CPAMD8: variants seen among roughly 807,000 people sequenced by gnomAD.
The protein encoded by CPAMD8 is C3 and PZP-like alpha-2-macroglobulin domain-containing protein 8.
A neutral mutation model predicts 224.7 loss-of-function variants in CPAMD8; 146 were observed. The ratio of observed to expected loss-of-function variants is 0.65; its 90% CI spans 0.57 to 0.75. The LOEUF (loss-of-function observed/expected upper bound fraction) is 0.75. CPAMD8 is among the 30% of genes least tolerant of loss of function. The pLI is 0.00. For synonymous variants in CPAMD8, 966 were observed against 1,044.6 expected, an observed-to-expected ratio of 0.92 and a Z score of 1.45; for missense variants, 2,301 against 2,537.5, an observed-to-expected ratio of 0.91 and a Z score of 2.00.
rs755330822 is a variant in CPAMD8, at chr19:16,993,542, C to T, written c.1140G>A (p.Thr380=). 2.7e-5 allele frequency: 43 copies of T among 1,614,064 alleles called. No homozygotes were observed. The Admixed American group carries it at 6.0e-4, about 23-fold the overall frequency. The change falls in exon 12 of 42, where the codon ACG becomes ACA. Residue 380 remains threonine, a synonymous_variant. Transcript: ENST00000443236. Reference sequence around the variant, plus strand: ...GTGTCAGCTCTGCCTTAATCTGGACCGTCACCCCCTCAGCTGGGCTGCCAT... The same window carrying T: ...GTGTCAGCTCTGCCTTAATCTGGACTGTCACCCCCTCAGCTGGGCTGCCAT... ...YPDGSPAEGV[T]VQIKAELTPK... is the part of the protein sequence containing the mutation.
chr19:16,924,724 G>A (rs1405423594), intron 26 of CPAMD8, among the ~76,000 whole-genome samples: 1 of 152,138 alleles, frequency 6.6e-6, no homozygotes, highest in Non-Finnish European at 1.5e-5. Flanking sequence ...GGGACTACAG[G>A]GGTGTGCCAC....
chr19:17,015,825 G>A (rs774137168), intron 3 of CPAMD8, among the ~76,000 whole-genome samples: 32 of 152,188 alleles, frequency 2.1e-4, no homozygotes, highest in Non-Finnish European at 4.6e-4. Flanking sequence ...AGGCTGGCGG[G>A]CAAGAGACTA....
In CPAMD8 at chr19:16,896,568, G is replaced by C. The variant is rs925230540; in HGVS notation, c.5163C>G (p.Asn1721Lys). 9 of 1,509,814 alleles carry C rather than the reference G, an allele frequency of 6.0e-6. No individual in the cohort carries two copies. The African/African-American group carries it at 1.3e-4, about 21-fold the overall frequency. The allele number at this position is 1,509,814 out of a possible 1,614,324, so 93.5% of individuals were successfully genotyped here. ...GCDHDCGAQG[N>K]PVCGSDGVVY... Reference sequence around the variant, plus strand: ...CCACCCCGTCGGAGCCGCACACCGGGTTCCCCTGGGCGCCGCAGTCGTGGT... The same window carrying C: ...CCACCCCGTCGGAGCCGCACACCGGCTTCCCCTGGGCGCCGCAGTCGTGGT... The change falls in exon 40 of 42, where the codon AAC becomes AAG. Residue 1721 changes from asparagine to lysine, a missense_variant. Transcript: ENST00000443236.
chr19:16,895,903 GCACACACACACA>G (rs57280906), intron 41 of CPAMD8: 6 of 524,812 alleles, frequency 1.1e-5, no homozygotes, highest in Middle Eastern at 4.7e-4. Context: ...GCGCGCGCAC[GCACACACACACA>G]CACACACACA....
intron 22 of CPAMD8, among the ~76,000 whole-genome samples, chr19:16,939,187 T>TATC (rs1568499183): frequency 2.4e-5 from 2 of 84,634 alleles, no homozygotes; most frequent in African/African-American, 8.7e-5. Context: ...ATTTATTTAT[T>TATC]TATCTATCTA....
chr19:17,002,270 C>A lies in CPAMD8; in HGVS notation c.754G>T (p.Ala252Ser). 6.3e-7 allele frequency: 1 copy of A among 1,593,168 alleles called. No homozygotes were observed. The highest frequency in any genetic ancestry group is 8.6e-7 in the Non-Finnish European group (1 of 1,167,274). ...CCAGGGGTCCCTCTTTCTCACCTGG[C>A]CCGCACAGTGCCTGTCTCACAGGCG... ...LDACETGTVR[A>S]RYTFGKPVAG... Residue 252 changes from alanine to serine, a missense_variant, in exon 9 of 42, where the codon GCC becomes TCC. This residue lies in a region of CPAMD8 where 283 missense variants were observed against 340.6 expected (regional missense o/e 0.83). Transcript: ENST00000443236.
chr19:16,970,828 G>T, intron 18 of CPAMD8, 63 bp downstream of exon 18: 4 of 1,495,544 alleles, frequency 2.7e-6, no homozygotes, highest in Non-Finnish European at 3.7e-6. Flanking sequence ...GAAGGACAAA[G>T]ACAAGCCCCA....
intron 10 of CPAMD8, among the ~76,000 whole-genome samples, chr19:16,999,741 T>C (rs955303062): frequency 2.6e-5 from 4 of 152,208 alleles, no homozygotes; most frequent in African/African-American, 9.6e-5. Flanking sequence ...CTTGAACTCC[T>C]GAGCTCAAGA....
intron 27 of CPAMD8, among the ~76,000 whole-genome samples, chr19:16,921,682 A>G (rs553644506): frequency 8.6e-5 from 13 of 151,782 alleles, no homozygotes; most frequent in African/African-American, 2.7e-4. Flanking sequence ...CACTGTGGTA[A>G]CAGCAGCAGA....
chr19:16,946,996 A>T, intron 21 of CPAMD8, 78 bp downstream of exon 21: 1 of 1,458,086 alleles, frequency 6.9e-7, no homozygotes, highest in Admixed American at 2.2e-5. Flanking sequence ...TCCACCCCTC[A>T]TCCCCAACTC....
At chr19:17,009,455 T>C in intron 5 of CPAMD8, 135 bp from the exon 6 acceptor site, 1 of 1,444,428 alleles carries the variant, frequency 6.9e-7, no homozygotes, top group Non-Finnish European at 9.5e-7. Flanking sequence ...CTAGATTACA[T>C]CCGTTGAATC....
Position 16,977,395 on chromosome 19 carries a change from A to G in CPAMD8, c.1731T>C (p.Phe577=). 6.2e-7 allele frequency: 1 copy of G among 1,612,530 alleles called. No individual in the cohort carries two copies. Among genetic ancestry groups the G allele is most frequent in the Non-Finnish European group, 8.5e-7 (1 of 1,179,410 alleles). The change falls in exon 15 of 42, where the codon TTT becomes TTC. Residue 577 remains phenylalanine (F), a synonymous_variant. Transcript: ENST00000443236. Reference sequence around the variant, plus strand: ...GGTTTTCGAAGAAGGTCTCGACTGCAAACTGAAGGCTGTCGGCGACCCCTT... The same window carrying G: ...GGTTTTCGAAGAAGGTCTCGACTGCGAACTGAAGGCTGTCGGCGACCCCTT... ...NGEGVADSLQ[F]AVETFFENQV...
intron 14 of CPAMD8, among the ~76,000 whole-genome samples, chr19:16,977,842 G>T (rs903829261): frequency 3.9e-5 from 6 of 151,980 alleles, no homozygotes; most frequent in African/African-American, 1.5e-4. Flanking sequence ...TGCTTCCTCC[G>T]CGGACACCAA....
intron 17 of CPAMD8, 56 bp from the exon 18 acceptor site, chr19:16,971,089 C>G: frequency 6.7e-7 from 1 of 1,488,790 alleles, no homozygotes; most frequent in Non-Finnish European, 9.1e-7. Flanking sequence ...TGACAGCCCC[C>G]AGAAGCATAA....
In CPAMD8 at chr19:16,997,233, C is replaced by T. The variant is rs376610786; in HGVS notation, c.973G>A (p.Val325Met). The T allele has an allele frequency of 1.9e-6, 3 of 1,558,484 alleles. No homozygotes were observed. Among genetic ancestry groups the T allele is most frequent in the Non-Finnish European group, 2.7e-6 (3 of 1,130,108 alleles). The change falls in exon 11 of 42, where the codon GTG (valine) becomes ATG (methionine). Residue 325 changes from valine (V) to methionine (M), a missense_variant. By Grantham distance (21) the Val-to-Met change is conservative. Coordinates refer to ENST00000443236, the MANE Select transcript of CPAMD8 (RefSeq NM_015692.5). ...AACGCGACCTGCTGGCTCCCGTCCA[C>T]ACTGGTCACCATGGCCCAGATGCTG... is the stretch of plus-strand genomic sequence containing the variant. Reference protein sequence around the residue: ...RVSIWAMVTSVDGSQQVAFDD... With the variant: ...RVSIWAMVTSMDGSQQVAFDD...
Position 16,898,763 on chromosome 19 carries a change from G to A in CPAMD8, c.4848+712C>T, listed in dbSNP as rs576785350. Among the ~76,000 whole-genome samples, 2 of 152,190 alleles carry A rather than the reference G, an allele frequency of 1.3e-5. No homozygotes were observed. The highest frequency in any genetic ancestry group is 1.9e-4 in the East Asian group (1 of 5,170). Reference sequence around the variant, plus strand: ...CATGTTTCTGAGGTTCATCCATGCTGTAGCATGGATCAATGCTTCGCTCCT... The same window carrying A: ...CATGTTTCTGAGGTTCATCCATGCTATAGCATGGATCAATGCTTCGCTCCT... On this transcript the variant is annotated intron_variant, in intron 37 of 41. Transcript: ENST00000443236. The surrounding 1 kb of genome is among the most constrained non-coding windows in gnomAD (Gnocchi z 4.2).
At chr19:16,951,111 G>A (rs1748433754) in intron 20 of CPAMD8, among the ~76,000 whole-genome samples, 2 of 152,134 alleles carry the variant, frequency 1.3e-5, no homozygotes, top group South Asian at 4.1e-4. Flanking sequence ...AGTGTCTACT[G>A]AGACTAACTC....
intron 3 of CPAMD8, among the ~76,000 whole-genome samples, chr19:17,013,908 A>T (rs2056734941): frequency 7.8e-6 from 1 of 128,378 alleles, no homozygotes; most frequent in East Asian, 2.6e-4. Flanking sequence ...TCCTTCCTTC[A>T]CTACACATTC....
intron 2 of CPAMD8, 143 bp downstream of exon 2, chr19:17,021,886 TC>T: frequency 1.6e-6 from 1 of 619,270 alleles, no homozygotes; most frequent in South Asian, 2.1e-5. Flanking sequence ...CAACCTGTCT[TC>T]CCTCCCTCCC....
Sources: gnomAD v4.1 joint callset for allele counts (sites outside exome capture counted in the v4.1 genomes callset) on GRCh38, gnomAD v4.1.1 for gene constraint, gnomAD v4.1.1 regional missense constraint, Gnocchi (gnomAD v3.1) non-coding constraint, MANE v1.5 for transcripts, NCBI Gene and HGNC (gene_info 2026-07-23, HGNC 2026-07-21) for gene names.